The following GRID2 variants were observed in gnomAD, a reference collection of about 807,000 sequenced individuals.
GRID2 encodes glutamate receptor ionotropic, delta-2.
A neutral mutation model predicts 114.8 loss-of-function variants in GRID2; 33 were observed. That is an observed-to-expected ratio of 0.29 (90% confidence interval 0.22 to 0.38). The LOEUF is 0.38. GRID2 is among the 10% of genes least tolerant of loss of function. The pLI is 1.00. For synonymous variants in GRID2, 505 were observed against 449.9 expected (o/e 1.12, Z -1.55); for missense variants, 1,184 against 1,257.7 (o/e 0.94, Z 0.89).
intron 14 of GRID2, among the ~76,000 whole-genome samples, chr4:93,714,026 G>T (rs1728702292): frequency 1.3e-5 from 2 of 151,942 alleles, no homozygotes; most frequent in Admixed American, 6.6e-5. Flanking sequence ...TTGCTACACA[G>T]ATCATCCCAT....
chr4:93,522,993 A>C (rs1730485357), intron 13 of GRID2, among the ~76,000 whole-genome samples: 1 of 152,138 alleles, frequency 6.6e-6, no homozygotes, highest in Admixed American at 6.5e-5. Flanking sequence ...TATTCAAATA[A>C]TGTTGGAGGA....
chr4:92,942,146 T>C (rs893889697), intron 2 of GRID2, among the ~76,000 whole-genome samples: 2 of 152,198 alleles, frequency 1.3e-5, no homozygotes, highest in African/African-American at 2.4e-5. Context: ...GTCTTGTTGA[T>C]CTGTCTAATG....
chr4:92,654,645 A>G (rs1732135967), intron 2 of GRID2, among the ~76,000 whole-genome samples: 2 of 151,488 alleles, frequency 1.3e-5, no homozygotes, highest in Admixed American at 1.3e-4. Context: ...TTTGATTTGC[A>G]TTTCCCTGAT....
chr4:92,603,758 A>ATGGG (rs1729330413), intron 2 of GRID2, among the ~76,000 whole-genome samples: 1 of 151,558 alleles, frequency 6.6e-6, no homozygotes, highest in Non-Finnish European at 1.5e-5. Flanking sequence ...AACCAACAGA[A>ATGGG]TGGGAGAAAA....
At chr4:93,781,389 G>A (rs1469520047) in intron 1 of GRID2, among the ~76,000 whole-genome samples, 1 of 150,646 alleles carries the variant, frequency 6.6e-6, no homozygotes, top group Non-Finnish European at 1.5e-5. Flanking sequence ...GGGCTGCGGT[G>A]AGGGGCTGCG....
At chr4:93,266,443 C>A (rs1324885009) in intron 8 of GRID2, among the ~76,000 whole-genome samples, 1 of 152,074 alleles carries the variant, frequency 6.6e-6, no homozygotes. Context: ...TACACACACA[C>A]ACATCCACCT....
At chr4:93,318,408 T>A (rs1756901365) in intron 8 of GRID2, among the ~76,000 whole-genome samples, 1 of 152,104 alleles carries the variant, frequency 6.6e-6, no homozygotes, top group Non-Finnish European at 1.5e-5. Flanking sequence ...TTTTCATTGT[T>A]ATTAATGTAG....
At position 93,145,644 on chromosome 4, in the gene GRID2, CTTTTTTTTTTTTTTTTTTTT is replaced by C. The variant is rs10605313; in HGVS notation, c.735+34703_735+34722del. ...CAGCTAGTTTTGTATTTCTTTTTTCCTTTTTTTTTTTTTTTTTTTTTTTTTTTTTTTAGTAGAGATGGCGT... is the reference window on the plus strand; with the variant it reads ...CAGCTAGTTTTGTATTTCTTTTTTCCTTTTTTTTTTTAGTAGAGATGGCGT... On this transcript the variant is annotated intron_variant, in intron 4 of 15. Coordinates refer to ENST00000282020, the MANE Select transcript of GRID2 (RefSeq NM_001510.4). 4.4e-5 allele frequency among the ~76,000 whole-genome samples: 2 copies of C among 45,708 alleles called. 1 individual carries two copies. The highest frequency in any genetic ancestry group is 8.2e-4 in the Admixed American group (2 of 2,444). The allele number at this position is 45,708 out of a possible 152,430, so 30.0% of individuals were successfully genotyped here. A position where few individuals can be genotyped will look rare whatever the true frequency, so the allele number is the denominator to read the frequency against.
intron 4 of GRID2, among the ~76,000 whole-genome samples, chr4:93,195,129 A>C (rs1025919708): frequency 6.6e-6 from 1 of 152,144 alleles, no homozygotes; most frequent in South Asian, 2.1e-4. Flanking sequence ...TATTTTAACT[A>C]TAGGACTACT....
chr4:93,310,431 T>C (rs1755892071), intron 8 of GRID2, among the ~76,000 whole-genome samples: 3 of 152,134 alleles, frequency 2.0e-5, no homozygotes, highest in Non-Finnish European at 4.4e-5. Context: ...CTTGGGAGGC[T>C]GAGGCAGGAG....
chr4:92,752,879 GAGAA>G (rs1465142782), intron 2 of GRID2, among the ~76,000 whole-genome samples: 1 of 152,108 alleles, frequency 6.6e-6, no homozygotes, highest in African/African-American at 2.4e-5. Flanking sequence ...TTAAAAAGGA[GAGAA>G]AGCAAATTTA....
intron 1 of GRID2, among the ~76,000 whole-genome samples, chr4:92,548,765 A>G (rs1380783295): frequency 2.0e-5 from 3 of 152,110 alleles, no homozygotes; most frequent in Admixed American, 2.0e-4. Flanking sequence ...GAAGCATGGC[A>G]GCATCTGGTC....
At chr4:93,539,450 C>G (rs1421750120) in intron 13 of GRID2, among the ~76,000 whole-genome samples, 4 of 151,880 alleles carry the variant, frequency 2.6e-5, no homozygotes, top group Non-Finnish European at 5.9e-5. Flanking sequence ...TTCAAATGTG[C>G]CCAGTATTCT....
At position 92,304,482 on chromosome 4, in the gene GRID2, G is replaced by T; in HGVS notation, c.-175G>T. On this transcript the variant is annotated 5_prime_UTR_variant, in exon 1 of 16. Transcript: ENST00000282020. ...GGTTTCCTCAGGCTGGGCTCTTTCT[G>T]TCATTCCCTTCTGCCTTTCTCGGCG... The T allele has an allele frequency of 1.6e-6, 1 of 620,284 alleles. No homozygotes were observed. Among genetic ancestry groups the T allele is most frequent in the South Asian group, 2.0e-5 (1 of 50,110 alleles). 38.4% of individuals were successfully genotyped at this position (620,284 alleles called of 1,614,324 possible). A position where few individuals can be genotyped will look rare whatever the true frequency, so the allele number is the denominator to read the frequency against.
rs182705749 is a variant in GRID2, at chr4:93,395,836, T to A, written c.1347+128T>A. On this transcript the variant is annotated intron_variant, in intron 9 of 15. Coordinates refer to ENST00000282020, the MANE Select transcript of GRID2 (RefSeq NM_001510.4). The stretch of plus-strand genomic sequence containing the variant: ...AAATTCTAAATACGCTTTCTAAGAT[T>A]TTTTAATGGTCATATTTCACAGCCT... 2,120 of 498,896 alleles carry A rather than the reference T, an allele frequency of 4.2e-3. 36 individuals are homozygous for A. The highest frequency in any genetic ancestry group is 0.039 in the African/African-American group (1,960 of 50,498). 30.9% of individuals were successfully genotyped at this position (498,896 alleles called of 1,614,324 possible). A position where few individuals can be genotyped will look rare whatever the true frequency, so the allele number is the denominator to read the frequency against.
chr4:93,350,576 T>C (rs1051221310), intron 8 of GRID2, among the ~76,000 whole-genome samples: 4 of 151,672 alleles, frequency 2.6e-5, no homozygotes, highest in Non-Finnish European at 5.9e-5. Flanking sequence ...CAGGGAGCTA[T>C]TTTTTTTAAA....
At chr4:93,645,145 A>G (rs1489788451) in intron 14 of GRID2, among the ~76,000 whole-genome samples, 1 of 152,206 alleles carries the variant, frequency 6.6e-6, no homozygotes. Flanking sequence ...AAGGGAAGGA[A>G]AAGATATTGT....
At chr4:92,854,862 C>T (rs979623139) in intron 2 of GRID2, among the ~76,000 whole-genome samples, 1 of 151,758 alleles carries the variant, frequency 6.6e-6, no homozygotes, top group Non-Finnish European at 1.5e-5. Flanking sequence ...CTTATTTTTG[C>T]CAATCTCTTT....
intron 4 of GRID2, among the ~76,000 whole-genome samples, chr4:93,158,418 C>T (rs917625210): frequency 1.3e-5 from 2 of 151,732 alleles, no homozygotes; most frequent in Admixed American, 6.6e-5. Context: ...CACATGATAG[C>T]TTTTCATTTA....
Sources: allele counts gnomAD v4.1 joint callset (sites outside exome capture counted in the v4.1 genomes callset), GRCh38; gene constraint gnomAD v4.1.1; transcripts MANE v1.5; gene names NCBI Gene and HGNC (gene_info 2026-07-23, HGNC 2026-07-21).